Variants in ALOX15B observed in about 807,000 individuals in gnomAD.
ALOX15B encodes the protein polyunsaturated fatty acid lipoxygenase ALOX15B.
In ALOX15B, 74 loss-of-function variants were observed where a neutral mutation model predicts 73.8. That is an observed-to-expected ratio of 1.00 (90% CI 0.83 to 1.22). The LOEUF is 1.22. Among genes scored for constraint, ALOX15B ranks in the 50% most tolerant of loss-of-function variants. The pLI is 0.00. For missense variants in ALOX15B, 896 were observed against 859.9 expected (o/e 1.04, Z -0.52); for synonymous variants, 353 against 357.2 (o/e 0.99, Z 0.13).
intron 5 of ALOX15B, among the ~76,000 whole-genome samples, chr17:8,044,441 A>G (rs1463532711): frequency 4.0e-5 from 6 of 148,248 alleles, no homozygotes; most frequent in Non-Finnish European, 1.5e-5. Context: ...AAAAAAAAAA[A>G]GGAAAGAAAA....
chr17:8,046,553 C>T (rs1250008443), intron 8 of ALOX15B, 115 bp from the exon 9 acceptor site: 4 of 1,087,420 alleles, frequency 3.7e-6, no homozygotes, highest in Admixed American at 2.1e-5. Context: ...GCTGCCTCCT[C>T]TCATTCTTGT....
In ALOX15B at chr17:8,047,035, C is replaced by A; in HGVS notation, c.1416C>A (p.Tyr472Ter). 1.2e-6 allele frequency: 2 copies of A among 1,613,914 alleles called. No homozygotes were observed. Among genetic ancestry groups the A allele is most frequent in the Admixed American group, 1.7e-5 (1 of 59,994 alleles). ...GAGTTGAAGACATCCCAGGCTACTA[C>A]TACCGTGATGATGGGATGCAGATCT... is the stretch of plus-strand genomic sequence containing the variant. ...TRGVEDIPGY[Y>*]YRDDGMQIWG... Residue 472 changes from tyrosine to a stop codon, truncating the protein, a stop_gained, in exon 10 of 14, where the codon TAC becomes TAA. Transcript: ENST00000380183. LOFTEE classifies it high-confidence loss of function.
chr17:8,039,447 A>G lies in ALOX15B; in HGVS notation c.209A>G (p.His70Arg), dbSNP rs561623199. Residue 70 changes from histidine (H) to arginine (R), a missense_variant, in exon 2 of 14, where the codon CAC becomes CGC. Coordinates refer to ENST00000380183, the MANE Select transcript of ALOX15B (RefSeq NM_001141.3). The stretch of plus-strand genomic sequence containing the variant: ...GGCCGAGTGCTGCTGCTGCGCGTGC[A>G]CAAGGCGCCCCCAGTGCTGCCCCTG... ...DVGRVLLLRV[H>R]KAPPVLPLLG... 1 of 1,610,152 alleles carries G rather than the reference A, an allele frequency of 6.2e-7. No homozygotes were observed. Among genetic ancestry groups the G allele is most frequent in the South Asian group, 1.1e-5 (1 of 90,612 alleles).
At chr17:8,040,908 G>GGAGATAACAA in intron 3 of ALOX15B, among the ~76,000 whole-genome samples, 1 of 83,392 alleles carries the variant, frequency 1.2e-5, no homozygotes, top group Non-Finnish European at 3.3e-5. Flanking sequence ...AGTTGGGGCC[G>GGAGATAACAA]CTAGTGAGGA....
intron 3 of ALOX15B, among the ~76,000 whole-genome samples, chr17:8,040,655 A>AAAGAAAGAAAGAAAGAAAG (rs1567969745): frequency 8.2e-6 from 1 of 121,876 alleles, no homozygotes; most frequent in East Asian, 2.9e-4. Flanking sequence ...AAGAAAGAAA[A>AAAGAAAGAAAGAAAGAAAG]GAAAGAGAAA....
At chr17:8,044,660 T>C (rs746869412) in intron 5 of ALOX15B, among the ~76,000 whole-genome samples, 169 bp from the exon 6 acceptor site, 1 of 151,928 alleles carries the variant, frequency 6.6e-6, no homozygotes, top group Non-Finnish European at 1.5e-5. Context: ...TGCTGCTGGG[T>C]GAAGAGGCAG....
At chr17:8,040,660 G>GAAAGAAAGAAAA (rs770475125) in intron 3 of ALOX15B, among the ~76,000 whole-genome samples, 1 of 120,734 alleles carries the variant, frequency 8.3e-6, no homozygotes, top group East Asian at 3.1e-4. Flanking sequence ...AGAAAAGAAA[G>GAAAGAAAGAAAA]AGAAAGAAAC....
chr17:8,040,651 G>GAAAGAAAGAA (rs1415986255), intron 3 of ALOX15B, among the ~76,000 whole-genome samples: 9 of 92,584 alleles, frequency 9.7e-5, no homozygotes, highest in African/African-American at 3.0e-4. Flanking sequence ...AAGAAAGAAA[G>GAAAGAAAGAA]AAAAGAAAGA....
At chr17:8,041,659 AC>A (rs1315742553) in intron 3 of ALOX15B, among the ~76,000 whole-genome samples, 1 of 152,260 alleles carries the variant, frequency 6.6e-6, no homozygotes, top group Non-Finnish European at 1.5e-5. Flanking sequence ...TGAGAGCATG[AC>A]TGGCTAGGGG....
intron 8 of ALOX15B, among the ~76,000 whole-genome samples, chr17:8,046,025 G>A (rs1161049894): frequency 1.3e-5 from 2 of 150,644 alleles, no homozygotes; most frequent in African/African-American, 2.4e-5. Context: ...ATACTTCTGG[G>A]GTAGGGGAGG....
intron 2 of ALOX15B, 142 bp from the exon 3 acceptor site, chr17:8,039,760 G>C (rs554229653): frequency 1.3e-5 from 15 of 1,186,816 alleles, no homozygotes; most frequent in Non-Finnish European, 1.8e-5. Context: ...TGGGGAGCGG[G>C]AGGTAGCAGC....
chr17:8,042,245 G>A, intron 3 of ALOX15B, 124 bp from the exon 4 acceptor site: 1 of 1,226,846 alleles, frequency 8.2e-7, no homozygotes, highest in Non-Finnish European at 1.1e-6. Flanking sequence ...GCTCCCAGGA[G>A]GGCCCTCTTG....
intron 8 of ALOX15B, among the ~76,000 whole-genome samples, chr17:8,046,100 C>A (rs2151814497): frequency 6.6e-6 from 1 of 152,332 alleles, no homozygotes; most frequent in South Asian, 2.1e-4. Context: ...TGCTAGCTTT[C>A]AGACGGCATG....
At chr17:8,046,238 C>T (rs984220998) in intron 8 of ALOX15B, among the ~76,000 whole-genome samples, 1 of 152,256 alleles carries the variant, frequency 6.6e-6, no homozygotes, top group Non-Finnish European at 1.5e-5. Flanking sequence ...ACTCTGTGCT[C>T]TTCTGTACTA....
intron 3 of ALOX15B, 85 bp downstream of exon 3, chr17:8,040,068 G>A (rs1330540197): frequency 7.7e-7 from 1 of 1,306,232 alleles, no homozygotes; most frequent in Non-Finnish European, 1.1e-6. Flanking sequence ...GAGATTAAAA[G>A]CCCCTGCCTC....
intron 5 of ALOX15B, 30 bp from the exon 6 acceptor site, chr17:8,044,798 AC>A: frequency 1.1e-6 from 1 of 920,342 alleles, no homozygotes. Flanking sequence ...CATTTGAGTG[AC>A]CCCGTTCCCC....
chr17:8,047,476 TC>T (rs1976643379), intron 11 of ALOX15B, 87 bp from the exon 12 acceptor site: 1 of 1,574,742 alleles, frequency 6.4e-7, no homozygotes. Context: ...CGTCCCCGTG[TC>T]CCCCACCCTC....
In ALOX15B at chr17:8,042,429, G is replaced by A; in HGVS notation, c.510G>A (p.Leu170=). The change falls in exon 4 of 14, where the codon TTG becomes TTA. Residue 170 remains leucine, a synonymous_variant. Coordinates refer to ENST00000380183, the MANE Select transcript of ALOX15B (RefSeq NM_001141.3). ...TGGATGAAAAGACAGTGGAAGACTT[G>A]GAGCTCAATATCAAATACTCCACAG... ...HCLDEKTVED[L]ELNIKYSTAK... is the part of the protein sequence containing the mutation. 2 of 1,614,098 alleles carry A rather than the reference G, an allele frequency of 1.2e-6. No individual in the cohort carries two copies. Among genetic ancestry groups the A allele is most frequent in the Non-Finnish European group, 1.7e-6 (2 of 1,180,032 alleles).
Position 8,042,862 on chromosome 17 carries a change from CT to C in ALOX15B, c.656del (p.Phe219SerfsTer25). ...SLNEMKRIFN[F>X]RRTPAAEHAF... ...TGAATGAGATGAAAAGGATCTTCAA[CT>C]TCCGGAGGACCCCAGCAGCTGGTGA... On this transcript the variant is annotated frameshift_variant, in exon 5 of 14. Transcript: ENST00000380183. LOFTEE classifies it high-confidence loss of function. 6.4e-7 allele frequency: 1 copy of C among 1,553,590 alleles called. No homozygotes were observed. Among genetic ancestry groups the C allele is most frequent in the Non-Finnish European group, 8.7e-7 (1 of 1,148,088 alleles).
Sources: allele counts gnomAD v4.1 joint callset (sites outside exome capture counted in the v4.1 genomes callset), GRCh38; gene constraint gnomAD v4.1.1; transcripts MANE v1.5; gene names NCBI Gene and HGNC (gene_info 2026-07-23, HGNC 2026-07-21).